PLPPR1: variants seen among roughly 807,000 people sequenced by gnomAD.
PLPPR1 encodes the protein phospholipid phosphatase related 1, also known as phospholipid phosphatase-related protein type 1.
A neutral mutation model predicts 33.1 loss-of-function variants in PLPPR1; 10 were observed. The ratio of observed to expected loss-of-function variants is 0.30; its 90% CI spans 0.19 to 0.51. The LOEUF (loss-of-function observed/expected upper bound fraction) is 0.51. Ranked by LOEUF, PLPPR1 falls within the 20% of genes least tolerant of loss-of-function variation. PLPPR1 has a pLI of 0.97. For synonymous variants in PLPPR1, 151 were observed against 151.0 expected (o/e 1.00, Z 0.00); for missense variants, 304 against 408.1 (o/e 0.74, Z 2.20).
chr9:101,277,407 T>C (rs1213660349), intron 3 of PLPPR1, among the ~76,000 whole-genome samples: 2 of 152,148 alleles, frequency 1.3e-5, no homozygotes, highest in Non-Finnish European at 2.9e-5. Context: ...TGTGTCTACT[T>C]TGCTTTCAGG....
At chr9:101,126,382 G>A (rs143615963) in intron 1 of PLPPR1, among the ~76,000 whole-genome samples, 315 of 152,254 alleles carry the variant, frequency 2.1e-3, no homozygotes, top group African/African-American at 7.3e-3. Flanking sequence ...GAGGGCAAGC[G>A]TCCCCTAACT....
intron 2 of PLPPR1, among the ~76,000 whole-genome samples, chr9:101,214,022 T>C (rs1324645775): frequency 6.6e-6 from 1 of 152,210 alleles, no homozygotes; most frequent in Non-Finnish European, 1.5e-5. Context: ...CTGAAGAGAA[T>C]GTGCAATTCA....
At chr9:101,300,275 G>T (rs930754014) in intron 4 of PLPPR1, among the ~76,000 whole-genome samples, 3 of 152,044 alleles carry the variant, frequency 2.0e-5, no homozygotes, top group Admixed American at 6.6e-5. Context: ...CCAGGCTCAA[G>T]CAATCCTCCC....
intron 1 of PLPPR1, among the ~76,000 whole-genome samples, chr9:101,045,687 C>T (rs1173701787): frequency 6.6e-6 from 1 of 152,202 alleles, no homozygotes; most frequent in Non-Finnish European, 1.5e-5. Context: ...CTTGCACTGC[C>T]TTGTGGACAT....
intron 4 of PLPPR1, among the ~76,000 whole-genome samples, chr9:101,295,175 A>C (rs945171104): frequency 6.6e-5 from 10 of 151,870 alleles, no homozygotes; most frequent in African/African-American, 2.2e-4. Flanking sequence ...ACAGAGAGCC[A>C]AATCATGAGT....
intron 2 of PLPPR1, among the ~76,000 whole-genome samples, chr9:101,205,944 A>G (rs1207690654): frequency 6.6e-6 from 1 of 152,178 alleles, no homozygotes. Flanking sequence ...AACTGGGAAG[A>G]AGGATATGAT....
chr9:101,238,293 C>CTA (rs1307945596), intron 2 of PLPPR1, among the ~76,000 whole-genome samples: 16 of 130,344 alleles, frequency 1.2e-4, no homozygotes, highest in South Asian at 4.9e-4. Context: ...TATACATACC[C>CTA]TATATATATA....
At chr9:101,294,842 A>G (rs1351919832) in intron 4 of PLPPR1, among the ~76,000 whole-genome samples, 1 of 152,130 alleles carries the variant, frequency 6.6e-6, no homozygotes, top group African/African-American at 2.4e-5. Context: ...CACAGCCAAT[A>G]TCATACTGAA....
intron 2 of PLPPR1, among the ~76,000 whole-genome samples, chr9:101,186,087 C>G (rs1826197637): frequency 6.6e-6 from 1 of 151,820 alleles, no homozygotes; most frequent in Admixed American, 6.6e-5. Flanking sequence ...TCCTGAATTA[C>G]TTTGTTCAGT....
intron 3 of PLPPR1, among the ~76,000 whole-genome samples, chr9:101,271,654 T>C (rs1166699523): frequency 6.6e-6 from 1 of 152,182 alleles, no homozygotes; most frequent in Non-Finnish European, 1.5e-5. Context: ...CGGTTCTGTC[T>C]GGTATGGTTT....
intron 1 of PLPPR1, among the ~76,000 whole-genome samples, chr9:101,085,735 C>T (rs557559833): frequency 6.6e-6 from 1 of 152,204 alleles, no homozygotes; most frequent in South Asian, 2.1e-4. Context: ...GAGGCTGGGG[C>T]TAGTTTTCAG....
intron 3 of PLPPR1, among the ~76,000 whole-genome samples, chr9:101,282,905 A>T (rs758347798): frequency 6.6e-6 from 1 of 152,234 alleles, no homozygotes; most frequent in Non-Finnish European, 1.5e-5. Flanking sequence ...GAATGGGAAG[A>T]TATTCTATGT....
chr9:101,045,844 T>A (rs1355258831), intron 1 of PLPPR1, among the ~76,000 whole-genome samples: 2 of 152,194 alleles, frequency 1.3e-5, no homozygotes, highest in Non-Finnish European at 2.9e-5. Context: ...ACCTACCACA[T>A]ATGATTGTTG....
chr9:101,032,095 T>A (rs1400120965), intron 1 of PLPPR1, among the ~76,000 whole-genome samples: 1 of 152,150 alleles, frequency 6.6e-6, no homozygotes, highest in Non-Finnish European at 1.5e-5. Flanking sequence ...GGCCTGGAAG[T>A]AGTTCTGTGT....
intron 1 of PLPPR1, among the ~76,000 whole-genome samples, chr9:101,162,106 A>T (rs1306961697): frequency 1.6e-4 from 3 of 18,622 alleles, no homozygotes; most frequent in South Asian, 1.3e-3. Context: ...CACAATTGTT[A>T]AAAAAAAAAA....
chr9:101,068,048 G>A (rs1194182648), intron 1 of PLPPR1, among the ~76,000 whole-genome samples: 1 of 152,052 alleles, frequency 6.6e-6, no homozygotes, highest in African/African-American at 2.4e-5. Flanking sequence ...GTACACATTA[G>A]CCCACAAAAG....
Position 101,030,088 on chromosome 9 carries a change from C to G in PLPPR1, c.-46+986C>G, listed in dbSNP as rs117511448. ...CACGGTTCTGAATATCTCTTCGGCCCGACGGAAAAGGTCCTGAGAAAAGGA... is the reference window on the plus strand; with the variant it reads ...CACGGTTCTGAATATCTCTTCGGCCGGACGGAAAAGGTCCTGAGAAAAGGA... On this transcript the variant is annotated intron_variant, in intron 1 of 7. Transcript: ENST00000374874. Among the ~76,000 whole-genome samples, 1,315 of 152,006 alleles carry G rather than the reference C, an allele frequency of 8.7e-3. 64 individuals carry two copies. The East Asian group carries it at 0.14, about 16-fold the overall frequency.
intron 1 of PLPPR1, among the ~76,000 whole-genome samples, chr9:101,157,812 C>A (rs1831715969): frequency 6.6e-6 from 1 of 151,804 alleles, no homozygotes; most frequent in Non-Finnish European, 1.5e-5. Context: ...ACCAGCTTGG[C>A]CAACATGGTA....
At chr9:101,035,749 T>C (rs1325788943) in intron 1 of PLPPR1, among the ~76,000 whole-genome samples, 1 of 152,218 alleles carries the variant, frequency 6.6e-6, no homozygotes, top group African/African-American at 2.4e-5. Flanking sequence ...TTGATGACAC[T>C]TCAAATAAAG....
Sources: gnomAD v4.1 joint callset for allele counts (sites outside exome capture counted in the v4.1 genomes callset) on GRCh38, gnomAD v4.1.1 for gene constraint, MANE v1.5 for transcripts, NCBI Gene and HGNC (gene_info 2026-07-23, HGNC 2026-07-21) for gene names.